STRN3: variants seen among roughly 807,000 people sequenced by gnomAD.
The protein encoded by STRN3 is striatin-3.
Under a neutral mutation model 95.6 loss-of-function variants are expected in STRN3, and 29 were observed. The observed-to-expected ratio is 0.30, with a 90% confidence interval of 0.23 to 0.41. STRN3 has a LOEUF of 0.41. Ranked by LOEUF, STRN3 falls within the 10% of genes least tolerant of loss-of-function variation. The pLI is 1.00. For synonymous variants in STRN3, 331 were observed against 357.6 expected, an observed-to-expected ratio of 0.93 and a Z score of 0.84; for missense variants, 890 against 972.1, an observed-to-expected ratio of 0.92 and a Z score of 1.12.
At chr14:30,925,908 T>C (rs181745967) in intron 8 of STRN3, among the ~76,000 whole-genome samples, 290 of 152,194 alleles carry the variant, frequency 1.9e-3, no homozygotes, top group Non-Finnish European at 3.1e-3. Flanking sequence ...AATAATAACA[T>C]GGACTAGATA....
intron 7 of STRN3, 109 bp downstream of exon 7, chr14:30,935,054 G>A (rs1051967842): frequency 6.4e-6 from 9 of 1,403,356 alleles, no homozygotes; most frequent in Middle Eastern, 3.7e-4. Context: ...CTTGCTCTCC[G>A]TTTAACTGCC....
chr14:30,929,954 CAAAAAAAAAAAAA>C (rs1191963792), intron 7 of STRN3, among the ~76,000 whole-genome samples: 13 of 39,996 alleles, frequency 3.3e-4, no homozygotes, highest in Admixed American at 1.6e-3. Context: ...CTAAGATTAG[CAAAAAAAAAAAAA>C]AAAAAAAAAA....
chr14:30,967,619 C>T (rs924895892), intron 1 of STRN3, among the ~76,000 whole-genome samples: 3 of 152,170 alleles, frequency 2.0e-5, no homozygotes, highest in East Asian at 1.9e-4. Context: ...CTATCTGTAG[C>T]GGCAACTGCT....
chr14:31,025,797 G>C, intron 1 of STRN3, 107 bp downstream of exon 1: 2 of 1,469,340 alleles, frequency 1.4e-6, no homozygotes, highest in Non-Finnish European at 1.8e-6. Context: ...GGTAGGTTCC[G>C]CTCGGCCTCC....
chr14:31,000,532 C>T (rs956220198), intron 1 of STRN3, among the ~76,000 whole-genome samples: 6 of 139,928 alleles, frequency 4.3e-5, no homozygotes, highest in African/African-American at 1.6e-4. Context: ...AAAAAAAAAG[C>T]AAGATTTTAA....
chr14:30,997,260 G>T (rs1235758481), intron 1 of STRN3, among the ~76,000 whole-genome samples: 1 of 152,166 alleles, frequency 6.6e-6, no homozygotes, highest in East Asian at 1.9e-4. Context: ...CCAGTGTATT[G>T]TATGTAGGCT....
chr14:30,958,945 G>A (rs939163183), intron 1 of STRN3, among the ~76,000 whole-genome samples: 1 of 152,108 alleles, frequency 6.6e-6, no homozygotes, highest in Non-Finnish European at 1.5e-5. Context: ...ATTCCAAAGC[G>A]GTACTGAACA....
At position 30,915,280 on chromosome 14, in the gene STRN3, T is replaced by A. The variant is rs190612319; in HGVS notation, c.1241-1623A>T. On this transcript the variant is annotated intron_variant, in intron 9 of 17. Transcript: ENST00000357479. ...TCTGAGAAGACACAATTCATATATA[T>A]ACTATGGCAAAATAAAATTCAACTG... Among the ~76,000 whole-genome samples, 550 of 152,264 alleles carry A rather than the reference T, an allele frequency of 3.6e-3. 3 individuals carry two copies. Among genetic ancestry groups the A allele is most frequent in the Non-Finnish European group, 5.9e-3 (404 of 67,994 alleles).
At chr14:30,954,808 T>C (rs1034624534) in intron 3 of STRN3, among the ~76,000 whole-genome samples, 1 of 152,058 alleles carries the variant, frequency 6.6e-6, no homozygotes, top group African/African-American at 2.4e-5. Flanking sequence ...AGGCTCAGTG[T>C]GGCTTTAACT....
chr14:30,945,140 A>G (rs1212767989), intron 5 of STRN3, among the ~76,000 whole-genome samples: 1 of 152,200 alleles, frequency 6.6e-6, no homozygotes, highest in Non-Finnish European at 1.5e-5. Flanking sequence ...GTATTCATCA[A>G]AAGTATATCT....
intron 9 of STRN3, among the ~76,000 whole-genome samples, chr14:30,917,572 T>C (rs1032385681): frequency 7.0e-6 from 1 of 142,834 alleles, no homozygotes; most frequent in South Asian, 2.2e-4. Flanking sequence ...AAAAAAGGAG[T>C]TGCTATGTGT....
chr14:30,936,664 G>T lies in STRN3; in HGVS notation c.717-40C>A. The stretch of plus-strand genomic sequence containing the variant: ...AAAAGATAAATCCAACTATTCCAAT[G>T]GTTGGTTCTAATATTTCTTTCTGGT... On this transcript the variant is annotated intron_variant, in intron 5 of 17. Coordinates refer to ENST00000357479, the MANE Select transcript of STRN3 (RefSeq NM_001083893.2). 4 of 1,579,048 alleles carry T rather than the reference G, an allele frequency of 2.5e-6. No individual in the cohort carries two copies. In the South Asian group the frequency reaches 4.7e-5, roughly 19 times the overall value.
chr14:30,938,480 CT>C (rs1878935427), intron 5 of STRN3, among the ~76,000 whole-genome samples: 1 of 152,068 alleles, frequency 6.6e-6, no homozygotes, highest in Admixed American at 6.6e-5. Context: ...AAATTAAGTA[CT>C]GCTGCTCCTT....
intron 9 of STRN3, among the ~76,000 whole-genome samples, chr14:30,916,891 C>T (rs933971992): frequency 2.6e-5 from 4 of 152,158 alleles, no homozygotes; most frequent in African/African-American, 9.7e-5. Flanking sequence ...ACCTGTAGCT[C>T]GCATATTGAA....
rs139989598 is a variant in STRN3, at chr14:30,979,398, A to C, written c.283-23156T>G. 1.2e-4 allele frequency among the ~76,000 whole-genome samples: 19 copies of C among 152,264 alleles called. 1 individual carries two copies. The East Asian group carries it at 3.7e-3, about 29-fold the overall frequency. On this transcript the variant is annotated intron_variant, in intron 1 of 17. Coordinates refer to ENST00000357479, the MANE Select transcript of STRN3 (RefSeq NM_001083893.2). ...AATAGGTACCAAAAATTTTGTTTTTATGTGCCCAACTCAACAAATTTTGTT... is the reference window on the plus strand; with the variant it reads ...AATAGGTACCAAAAATTTTGTTTTTCTGTGCCCAACTCAACAAATTTTGTT...
Position 30,902,546 on chromosome 14 carries a change from G to A in STRN3, c.2127C>T (p.Asp709=). The A allele has an allele frequency of 6.3e-7, 1 of 1,592,856 alleles. No homozygotes were observed. The highest frequency in any genetic ancestry group is 8.5e-7 in the Non-Finnish European group (1 of 1,170,974). ...AGACAATTTGCTTACCCGTTTTATT[G>A]TCAAAAAATTTGATGTGTCTATCTT... ...AHEDRHIKFF[D]NKTGKMIHSM... The change falls in exon 16 of 18, where the codon GAC becomes GAT. Residue 709 remains aspartate (D), a synonymous_variant. Transcript: ENST00000357479.
intron 1 of STRN3, among the ~76,000 whole-genome samples, chr14:31,013,534 T>TG (rs1405697341): frequency 6.6e-6 from 1 of 151,900 alleles, no homozygotes; most frequent in African/African-American, 2.4e-5. Context: ...AACTTGGCAG[T>TG]GGGGGGTGGT....
chr14:30,967,936 C>A (rs1880615857), intron 1 of STRN3, among the ~76,000 whole-genome samples: 1 of 152,064 alleles, frequency 6.6e-6, no homozygotes, highest in South Asian at 2.1e-4. Context: ...GGTGGGGGAA[C>A]AACAGGTATT....
intron 1 of STRN3, chr14:31,018,819 T>C (rs1273272795): frequency 9.9e-6 from 4 of 405,506 alleles, no homozygotes; most frequent in Non-Finnish European, 1.4e-5. Context: ...CTTCAAGCAC[T>C]AATAGAATAA....
Sources: allele counts gnomAD v4.1 joint callset (sites outside exome capture counted in the v4.1 genomes callset), GRCh38; gene constraint gnomAD v4.1.1; transcripts MANE v1.5; gene names NCBI Gene and HGNC (gene_info 2026-07-23, HGNC 2026-07-21).